Variants in RNF13 observed in about 807,000 individuals in gnomAD.
RNF13 encodes E3 ubiquitin-protein ligase RNF13.
RNF13 carries 19 observed loss-of-function variants against 37.7 expected under a neutral mutation model. The ratio of observed to expected loss-of-function variants is 0.50; its 90% CI spans 0.35 to 0.74. The LOEUF is 0.74. Ranked by LOEUF, RNF13 falls within the 30% of genes least tolerant of loss-of-function variation. The pLI is 0.01. For synonymous variants in RNF13, 144 were observed against 157.8 expected, an observed-to-expected ratio of 0.91 and a Z score of 0.65; for missense variants, 375 against 453.0, an observed-to-expected ratio of 0.83 and a Z score of 1.56.
chr3:149,928,004 C>CTT (rs766839142), intron 8 of RNF13, among the ~76,000 whole-genome samples: 1,916 of 111,088 alleles, frequency 0.017, 37 homozygotes, highest in African/African-American at 0.048. Context: ...AAGCAAAAAC[C>CTT]TTTTTTTTTT....
intron 4 of RNF13, among the ~76,000 whole-genome samples, chr3:149,886,152 G>A (rs1333701143): frequency 2.6e-5 from 4 of 152,206 alleles, no homozygotes; most frequent in Non-Finnish European, 4.4e-5. Context: ...ATAATTTGAA[G>A]TCAGGTAATG....
chr3:149,944,474 C>A (rs1047872006), intron 8 of RNF13, among the ~76,000 whole-genome samples: 29 of 152,204 alleles, frequency 1.9e-4, no homozygotes, highest in Non-Finnish European at 4.1e-4. Context: ...TCCTCTCCAG[C>A]ACCTGTTGTT....
At chr3:149,882,972 TA>T (rs1483597374) in intron 4 of RNF13, among the ~76,000 whole-genome samples, 1 of 152,152 alleles carries the variant, frequency 6.6e-6, no homozygotes, top group Non-Finnish European at 1.5e-5. Context: ...TGTTTTTTCT[TA>T]AACAGTTTTA....
chr3:149,900,236 C>T (rs1454311061), intron 5 of RNF13, among the ~76,000 whole-genome samples: 2 of 151,954 alleles, frequency 1.3e-5, no homozygotes, highest in African/African-American at 4.8e-5. Context: ...AGTTACAAAC[C>T]AAAAGTTATT....
At chr3:149,947,675 C>T (rs912607690) in intron 8 of RNF13, among the ~76,000 whole-genome samples, 1 of 152,152 alleles carries the variant, frequency 6.6e-6, no homozygotes, top group African/African-American at 2.4e-5. Flanking sequence ...GCTGGAATTA[C>T]AGGCGTGAGC....
At chr3:149,907,898 G>C (rs997217925) in intron 6 of RNF13, among the ~76,000 whole-genome samples, 1 of 152,148 alleles carries the variant, frequency 6.6e-6, no homozygotes. Flanking sequence ...TTTGATTAAG[G>C]AGAAACAGTT....
intron 7 of RNF13, among the ~76,000 whole-genome samples, chr3:149,915,786 G>A (rs545750877): frequency 6.6e-6 from 1 of 152,328 alleles, no homozygotes; most frequent in African/African-American, 2.4e-5. Context: ...GGTACCTGGA[G>A]TAGCCAAATT....
chr3:149,868,722 T>A (rs2108434835), intron 3 of RNF13, among the ~76,000 whole-genome samples: 1 of 151,680 alleles, frequency 6.6e-6, no homozygotes, highest in African/African-American at 2.4e-5. Context: ...GCCAGATGAA[T>A]TGGAACTCCT....
intron 5 of RNF13, among the ~76,000 whole-genome samples, chr3:149,899,163 A>C (rs1715561549): frequency 6.6e-6 from 1 of 152,176 alleles, no homozygotes. Context: ...AATAAGTTTT[A>C]GGCTGGGCAC....
At chr3:149,825,613 C>T (rs1306464016) in intron 1 of RNF13, among the ~76,000 whole-genome samples, 2 of 152,226 alleles carry the variant, frequency 1.3e-5, no homozygotes, top group Non-Finnish European at 2.9e-5. Context: ...GTCTGGTCAA[C>T]CCAGTGAGAT....
chr3:149,837,863 C>A (rs1352214703), intron 1 of RNF13, among the ~76,000 whole-genome samples: 1 of 152,064 alleles, frequency 6.6e-6, no homozygotes, highest in Admixed American at 6.6e-5. Flanking sequence ...AGCATTAACT[C>A]AAAAGTCCAC....
At chr3:149,902,625 T>C (rs868358129) in intron 6 of RNF13, among the ~76,000 whole-genome samples, 1 of 152,096 alleles carries the variant, frequency 6.6e-6, no homozygotes, top group Non-Finnish European at 1.5e-5. Context: ...TGAGAACTTT[T>C]ATATGAAACT....
intron 8 of RNF13, chr3:149,939,632 T>G (rs1720056442): frequency 6.2e-6 from 4 of 643,950 alleles, no homozygotes; most frequent in Admixed American, 5.5e-5. Context: ...ATATGCAATT[T>G]ATCCTTTGCT....
At chr3:149,836,623 T>A (rs1576737894) in intron 1 of RNF13, among the ~76,000 whole-genome samples, 1 of 146,260 alleles carries the variant, frequency 6.8e-6, no homozygotes. Context: ...GGCAGTTCTT[T>A]AAAAAAAAAA....
chr3:149,943,515 A>T (rs1186420952), intron 8 of RNF13, among the ~76,000 whole-genome samples: 4 of 152,228 alleles, frequency 2.6e-5, no homozygotes, highest in African/African-American at 9.6e-5. Flanking sequence ...TGATGAACCT[A>T]CATGGACACA....
At chr3:149,846,284 A>T in intron 2 of RNF13, 144 bp downstream of exon 2, 2 of 560,254 alleles carry the variant, frequency 3.6e-6, no homozygotes, top group South Asian at 2.4e-5. Context: ...GTTACTTGAC[A>T]TTGAGGTACC....
chr3:149,896,412 C>T (rs889519065), intron 5 of RNF13, among the ~76,000 whole-genome samples: 1 of 151,830 alleles, frequency 6.6e-6, no homozygotes, highest in African/African-American at 2.4e-5. Flanking sequence ...ATTTTATATT[C>T]CTTAACCAAA....
intron 8 of RNF13, among the ~76,000 whole-genome samples, chr3:149,925,745 A>T (rs925754986): frequency 2.0e-5 from 3 of 152,134 alleles, no homozygotes; most frequent in Non-Finnish European, 4.4e-5. Context: ...GATTAATTTG[A>T]TCATAGTATA....
chr3:149,889,296 T>A (rs1016869076), intron 4 of RNF13, among the ~76,000 whole-genome samples: 1 of 146,326 alleles, frequency 6.8e-6, no homozygotes, highest in Admixed American at 6.9e-5. Flanking sequence ...AGTGTGCGTG[T>A]GTGTGTGTGT....
Sources: allele counts gnomAD v4.1 joint callset (sites outside exome capture counted in the v4.1 genomes callset), GRCh38; gene constraint gnomAD v4.1.1; transcripts MANE v1.5; gene names NCBI Gene and HGNC (gene_info 2026-07-23, HGNC 2026-07-21).